PRKCQ: variants seen among roughly 807,000 people sequenced by gnomAD.
PRKCQ encodes protein kinase C theta type.
PRKCQ carries 41 observed loss-of-function variants against 91.2 expected under a neutral mutation model. That is an observed-to-expected ratio of 0.45 (90% CI 0.35 to 0.58). The LOEUF is 0.58. Ranked by LOEUF, PRKCQ falls within the 20% of genes least tolerant of loss-of-function variation. The pLI is 0.00. For synonymous variants in PRKCQ, 307 were observed against 316.9 expected, an observed-to-expected ratio of 0.97 and a Z score of 0.33; for missense variants, 673 against 896.5, an observed-to-expected ratio of 0.75 and a Z score of 3.18.
At chr10:6,524,759 AG>A (rs529027095) in intron 1 of PRKCQ, among the ~76,000 whole-genome samples, 33 of 152,246 alleles carry the variant, frequency 2.2e-4, no homozygotes, top group African/African-American at 5.3e-4. Flanking sequence ...GTGAGGAGGG[AG>A]GAGGGAGGAG....
At chr10:6,409,745 A>G in the PRKCQ span, among the ~76,000 whole-genome samples, 2 of 151,000 alleles carry the variant, frequency 1.3e-5, no homozygotes, top group Non-Finnish European at 3.0e-5. Context: ...TTTTTTTTTT[A>G]TAGCTTGGAG....
intron 2 of PRKCQ, 84 bp downstream of exon 2, chr10:6,514,934 T>C (rs1044075266): frequency 2.5e-6 from 4 of 1,592,078 alleles, no homozygotes; most frequent in African/African-American, 2.7e-5. Flanking sequence ...TGATGTCAAA[T>C]GTCCTGGAAG....
intron 1 of PRKCQ, among the ~76,000 whole-genome samples, chr10:6,551,751 T>G (rs1481425622): frequency 6.6e-6 from 1 of 152,256 alleles, no homozygotes; most frequent in Non-Finnish European, 1.5e-5. Context: ...TCCATGTCTT[T>G]GCTATTGCAA....
chr10:6,484,449 T>C (rs1419391539), intron 10 of PRKCQ, among the ~76,000 whole-genome samples: 1 of 152,142 alleles, frequency 6.6e-6, no homozygotes, highest in Non-Finnish European at 1.5e-5. Context: ...CCTATGTTGA[T>C]CATTGCTAAG....
chr10:6,505,046 GCCATA>G (rs1282313132), intron 4 of PRKCQ, among the ~76,000 whole-genome samples: 6 of 151,726 alleles, frequency 4.0e-5, no homozygotes, highest in African/African-American at 1.5e-4. Flanking sequence ...GGCACACACT[GCCATA>G]CCCGGCTAAT....
chr10:6,557,068 T>G (rs1840448533), intron 1 of PRKCQ, among the ~76,000 whole-genome samples: 1 of 152,180 alleles, frequency 6.6e-6, no homozygotes, highest in South Asian at 2.1e-4. Context: ...TGTCTCCCAC[T>G]CCCGCTTATA....
At chr10:6,571,354 T>C (rs984168075) in intron 1 of PRKCQ, among the ~76,000 whole-genome samples, 5 of 152,152 alleles carry the variant, frequency 3.3e-5, no homozygotes, top group African/African-American at 9.7e-5. Context: ...CAAGTTTATA[T>C]TTGTCAATGT....
At chr10:6,396,109 G>A in the PRKCQ span, among the ~76,000 whole-genome samples, 2 of 152,124 alleles carry the variant, frequency 1.3e-5, no homozygotes, top group Admixed American at 1.3e-4. Flanking sequence ...GAACTTAGAT[G>A]CTACTATTAT....
At position 6,430,720 on chromosome 10, in the gene PRKCQ, G is replaced by T; in HGVS notation, c.1965+90C>A. 1 of 1,534,778 alleles carries T rather than the reference G, an allele frequency of 6.5e-7. No individual in the cohort carries two copies. The highest frequency in any genetic ancestry group is 1.2e-5 in the South Asian group (1 of 80,072). On this transcript the variant is annotated intron_variant, in intron 17 of 17. Coordinates refer to ENST00000263125, the MANE Select transcript of PRKCQ (RefSeq NM_006257.5). This position sits in a 1 kb window ranked among gnomAD's most constrained non-coding sequence, Gnocchi z 4.7. ...TGGTGGGGAGTTGGGGCACCGGCAG[G>T]GGTGAGCAGCTGCGGTGACTTGGAC...
chr10:6,441,262 C>G (rs1268939030), intron 16 of PRKCQ, among the ~76,000 whole-genome samples: 1 of 151,868 alleles, frequency 6.6e-6, no homozygotes, highest in African/African-American at 2.4e-5. Context: ...CCTGCCTCAG[C>G]CTTCTGAGTA....
chr10:6,535,345 T>C (rs1330695781), intron 1 of PRKCQ, among the ~76,000 whole-genome samples: 1 of 152,200 alleles, frequency 6.6e-6, no homozygotes, highest in Non-Finnish European at 1.5e-5. Context: ...TAATGGGAGA[T>C]TCCCAATTTA....
the PRKCQ span, among the ~76,000 whole-genome samples, chr10:6,416,441 C>T: frequency 6.6e-6 from 1 of 152,158 alleles, no homozygotes; most frequent in Admixed American, 6.5e-5. Flanking sequence ...TTAGCTCCTA[C>T]TTATAAATGA....
intron 12 of PRKCQ, among the ~76,000 whole-genome samples, chr10:6,476,018 C>T (rs1836249642): frequency 6.6e-6 from 1 of 152,156 alleles, no homozygotes; most frequent in Non-Finnish European, 1.5e-5. Context: ...CTTGGTAAAG[C>T]ATCCCAGCTG....
chr10:6,428,259 A>G lies in PRKCQ; in HGVS notation c.2069T>C (p.Met690Thr), dbSNP rs749731877. 8.7e-6 allele frequency: 14 copies of G among 1,614,086 alleles called. No homozygotes were observed. The South Asian group carries it at 8.8e-5, about 10-fold the overall frequency. ...GTTCATGAAGGAAAAGTTCCTGAACATATTCTGGTCCATGCTGTTGATCAG... is the reference window on the plus strand; with the variant it reads ...GTTCATGAAGGAAAAGTTCCTGAACGTATTCTGGTCCATGCTGTTGATCAG... ...RALINSMDQN[M>T]FRNFSFMNPG... The change falls in exon 18 of 18, where the codon ATG (methionine) becomes ACG (threonine). Residue 690 changes from methionine to threonine, a missense_variant. Coordinates refer to ENST00000263125, the MANE Select transcript of PRKCQ (RefSeq NM_006257.5).
the PRKCQ span, among the ~76,000 whole-genome samples, chr10:6,419,610 TAATAA>T: frequency 6.6e-6 from 1 of 152,130 alleles, no homozygotes; most frequent in East Asian, 1.9e-4. Flanking sequence ...TATTTGGAAT[TAATAA>T]AATAGTTATT....
intron 8 of PRKCQ, among the ~76,000 whole-genome samples, chr10:6,490,990 C>A (rs1411345652): frequency 6.6e-6 from 1 of 152,088 alleles, no homozygotes; most frequent in African/African-American, 2.4e-5. Flanking sequence ...AGCAAGAAAG[C>A]CTTGCCTTGT....
chr10:6,474,342 T>A (rs1314450167), intron 12 of PRKCQ, among the ~76,000 whole-genome samples: 1 of 152,226 alleles, frequency 6.6e-6, no homozygotes, highest in Non-Finnish European at 1.5e-5. Context: ...GAGCTGTTCC[T>A]ATAGGATCTA....
At position 6,580,272 on chromosome 10, in the gene PRKCQ, GGA is replaced by G. The variant is rs1363604547; in HGVS notation, c.-73_-72del. ...CTGGGACTGCGCGGGGACTGCGCGG[GGA>G]CTGCGCGGGGACTGGCGGGGCTGGC... is the stretch of plus-strand genomic sequence containing the variant. On this transcript the variant is annotated 5_prime_UTR_variant, in exon 1 of 18. Transcript: ENST00000263125. 1.7e-5 allele frequency: 1 copy of G among 57,926 alleles called. No homozygotes were observed. Among genetic ancestry groups the G allele is most frequent in the African/African-American group, 4.0e-5 (1 of 25,162 alleles). The allele number at this position is 57,926 out of a possible 1,614,324, so 3.6% of individuals were successfully genotyped here.
intron 4 of PRKCQ, among the ~76,000 whole-genome samples, chr10:6,501,508 A>C (rs146404903): frequency 2.0e-5 from 3 of 152,128 alleles, no homozygotes; most frequent in African/African-American, 7.2e-5. Flanking sequence ...ACTGCATCCT[A>C]AAGTGTAGAG....
Sources: gnomAD v4.1 joint callset for allele counts (sites outside exome capture counted in the v4.1 genomes callset) on GRCh38, gnomAD v4.1.1 for gene constraint, Gnocchi (gnomAD v3.1) non-coding constraint, MANE v1.5 for transcripts, NCBI Gene and HGNC (gene_info 2026-07-23, HGNC 2026-07-21) for gene names.